Variants in P2RX6 observed in about 807,000 individuals in gnomAD.
P2RX6 encodes purinergic receptor P2X 6, also known as P2X purinoceptor 6.
Under a neutral mutation model 54.2 loss-of-function variants are expected in P2RX6, and 62 were observed. That is an observed-to-expected ratio of 1.14 (90% CI 0.93 to 1.41). The LOEUF (loss-of-function observed/expected upper bound fraction) is 1.41. Ranked by LOEUF, P2RX6 falls within the 40% of genes most tolerant of loss-of-function variation. The pLI, the probability that P2RX6 is intolerant of heterozygous loss-of-function variation, is 0.00. For missense variants in P2RX6, 541 were observed against 566.3 expected (o/e 0.96, Z 0.45); for synonymous variants, 211 against 231.9 (o/e 0.91, Z 0.82).
In P2RX6 at chr22:21,022,240, GGT is replaced by G. The variant is rs1164703805; in HGVS notation, c.388-429_388-428del. Among the ~76,000 whole-genome samples the G allele has an allele frequency of 7.2e-5, 11 of 152,318 alleles. No individual in the cohort carries two copies. In the East Asian group the frequency reaches 2.1e-3, roughly 29 times the overall value. ...TATTAAAAAATCAGCCAGGCACAGT[GGT>G]GTGTGTCTGTAGTCCCAGCTACTGG... On this transcript the variant is annotated intron_variant, in intron 3 of 11. Transcript: ENST00000413302.
At chr22:21,012,608 G>A, upstream of P2RX6, 2 of 604,342 alleles carry the variant, frequency 3.3e-6, no homozygotes, top group Non-Finnish European at 6.2e-6. Context: ...CAAAAGTTCA[G>A]CCACTTGACA....
Position 21,023,157 on chromosome 22 carries a change from C to T in P2RX6, c.597C>T (p.Phe199=). 1 of 1,613,900 alleles carries T rather than the reference C, an allele frequency of 6.2e-7. No homozygotes were observed. The highest frequency in any genetic ancestry group is 8.5e-7 in the Non-Finnish European group (1 of 1,179,874). The part of the protein sequence containing the change: ...LLAQAQNFTL[F]IKNTVTFSKF... ...CCCAGGCCCAGAACTTCACACTGTT[C>T]ATCAAAAACACAGTCACCTTCAGCA... Residue 199 remains phenylalanine, a synonymous_variant, in exon 6 of 12, where the codon TTC becomes TTT. Transcript: ENST00000413302.
chr22:21,014,902 C>T (rs1480619674), upstream of P2RX6: 3 of 384,322 alleles, frequency 7.8e-6, no homozygotes, highest in South Asian at 5.6e-5. Context: ...TCCGTCTCCA[C>T]CCTCCCACCA....
At chr22:21,022,095 C>A (rs572589788) in intron 3 of P2RX6, among the ~76,000 whole-genome samples, 2 of 152,142 alleles carry the variant, frequency 1.3e-5, no homozygotes, top group African/African-American at 2.4e-5. Context: ...GGGCAGGGTG[C>A]GTTGTCTCAC....
chr22:21,026,467 C>T lies in P2RX6; in HGVS notation c.1176C>T (p.Ala392=), dbSNP rs762513138. ...ATANSVWREL[A]LASQARLAEC... Reference sequence around the variant, plus strand: ...CCAACTCTGTGTGGAGGGAGCTGGCCCTTGCATCCCAAGCCCGACTGGCCG... The same window carrying T: ...CCAACTCTGTGTGGAGGGAGCTGGCTCTTGCATCCCAAGCCCGACTGGCCG... Residue 392 remains alanine, a synonymous_variant, in exon 12 of 12, where the codon GCC becomes GCT. Transcript: ENST00000413302. The surrounding 1 kb of genome is among the most constrained non-coding windows in gnomAD (Gnocchi z 4.0). 3.7e-6 allele frequency: 6 copies of T among 1,603,222 alleles called. No individual in the cohort carries two copies. Among genetic ancestry groups the T allele is most frequent in the Admixed American group, 1.7e-5 (1 of 58,778 alleles).
At chr22:21,025,238 T>C (rs1200612675) in intron 8 of P2RX6, among the ~76,000 whole-genome samples, 1 of 152,148 alleles carries the variant, frequency 6.6e-6, no homozygotes, top group East Asian at 1.9e-4. Flanking sequence ...GCAGATCTAT[T>C]GGATCCTTCT....
rs1378067974 is a variant in P2RX6 at position 21,025,836 on chromosome 22, G to A, written c.922G>A (p.Val308Met). 2 of 1,565,796 alleles carry A rather than the reference G, an allele frequency of 1.3e-6. No individual in the cohort carries two copies. The highest frequency in any genetic ancestry group is 3.8e-5 in the Admixed American group (2 of 52,936). Residue 308 changes from valine (V) to methionine (M), a missense_variant, in exon 9 of 12, where the codon GTG becomes ATG. Val to Met is a conservative substitution (Grantham distance 21, BLOSUM62 1). Transcript: ENST00000413302. ...CACTCACTGGTGGGAGCAACCGGGT[G>A]TGGAGGCCCGCACCCTGCTCAAGCT... is the stretch of plus-strand genomic sequence containing the variant. ...TATHWWEQPG[V>M]EARTLLKLYG...
At chr22:21,012,317 G>T (rs1319792320), upstream of P2RX6, among the ~76,000 whole-genome samples, 1 of 152,152 alleles carries the variant, frequency 6.6e-6, no homozygotes, top group Non-Finnish European at 1.5e-5. Flanking sequence ...GGGTAGGGTG[G>T]ATGAGGAAGG....
intron 3 of P2RX6, among the ~76,000 whole-genome samples, chr22:21,021,883 G>T (rs1291964290): frequency 1.3e-5 from 2 of 152,260 alleles, no homozygotes; most frequent in Middle Eastern, 3.4e-3. Flanking sequence ...CTCAGCAAGG[G>T]TGTGGGGTCC....
At chr22:21,010,408 A>C (rs1202780856), upstream of P2RX6, 9 of 152,100 alleles carry the variant, frequency 5.9e-5, no homozygotes. Context: ...TAGAAGACAA[A>C]CTGCTTCTCT....
upstream of P2RX6, chr22:21,012,511 C>T (rs1047142381): frequency 1.2e-4 from 68 of 580,898 alleles, no homozygotes; most frequent in Non-Finnish European, 2.0e-4. Context: ...CCACCTGCCC[C>T]AGACCCAGCA....
chr22:21,026,340 GTCGCTCTGCT>G lies in P2RX6; in HGVS notation c.1128+13_1128+22del. 6.3e-7 allele frequency: 1 copy of G among 1,599,348 alleles called. No homozygotes were observed. Among genetic ancestry groups the G allele is most frequent in the East Asian group, 2.3e-5 (1 of 44,418 alleles). ...ACAAAGTATGAGGAGGTGAGCTGAG[GTCGCTCTGCT>G]TGGACCCTGGGTTCTGCCACACTTA... On this transcript the variant is annotated intron_variant, in intron 11 of 11. Transcript: ENST00000413302. The surrounding 1 kb of genome is among the most constrained non-coding windows in gnomAD (Gnocchi z 4.0).
At chr22:21,020,579 CTTTTTTTTTTTTTTCTTTT>C in intron 3 of P2RX6, among the ~76,000 whole-genome samples, 1 of 132,550 alleles carries the variant, frequency 7.5e-6, no homozygotes, top group African/African-American at 2.8e-5. Flanking sequence ...TGAGCAGAAT[CTTTTTTTTTTTTTTCTTTT>C]TTTTTTTTTT....
At chr22:21,021,134 T>C (rs1927323342) in intron 3 of P2RX6, among the ~76,000 whole-genome samples, 1 of 151,956 alleles carries the variant, frequency 6.6e-6, no homozygotes, top group Admixed American at 6.6e-5. Flanking sequence ...GTTTGTTTTC[T>C]TTTTCTCTTT....
chr22:21,019,712 A>T (rs1040235488), intron 3 of P2RX6, among the ~76,000 whole-genome samples: 9 of 152,266 alleles, frequency 5.9e-5, no homozygotes, highest in Non-Finnish European at 1.3e-4. Context: ...CACAGCCTTC[A>T]GAGCTGACAG....
At chr22:21,024,363 C>T (rs1335574293) in intron 8 of P2RX6, among the ~76,000 whole-genome samples, 3 of 151,894 alleles carry the variant, frequency 2.0e-5, no homozygotes, top group African/African-American at 4.8e-5. Flanking sequence ...CTGCAAGTTC[C>T]GCTTCCCGTG....
intron 3 of P2RX6, among the ~76,000 whole-genome samples, chr22:21,021,925 C>T (rs528771235): frequency 1.4e-4 from 22 of 152,148 alleles, no homozygotes; most frequent in Non-Finnish European, 3.1e-4. Context: ...GACTCTAGGG[C>T]CCTGATCTTT....
At chr22:21,020,150 T>C (rs1927097581) in intron 3 of P2RX6, among the ~76,000 whole-genome samples, 1 of 152,232 alleles carries the variant, frequency 6.6e-6, no homozygotes, top group African/African-American at 2.4e-5. Flanking sequence ...CAGATGTGCA[T>C]TTAGTGTTCA....
chr22:21,014,532 G>C (rs184525409), upstream of P2RX6, among the ~76,000 whole-genome samples: 1 of 152,138 alleles, frequency 6.6e-6, no homozygotes, highest in Non-Finnish European at 1.5e-5. Flanking sequence ...TGCCTTCCTA[G>C]GGGGTTCCAG....
Sources: allele counts gnomAD v4.1 joint callset (sites outside exome capture counted in the v4.1 genomes callset), GRCh38; gene constraint gnomAD v4.1.1; non-coding constraint Gnocchi (gnomAD v3.1); transcripts MANE v1.5; gene names NCBI Gene and HGNC (gene_info 2026-07-23, HGNC 2026-07-21).